Variants in AP3D1 observed in about 807,000 individuals in gnomAD.
AP3D1 encodes the protein AP-3 complex subunit delta-1.
Under a neutral mutation model 147.6 loss-of-function variants are expected in AP3D1, and 51 were observed. The ratio of observed to expected loss-of-function variants is 0.35; its 90% CI spans 0.28 to 0.44. The LOEUF (loss-of-function observed/expected upper bound fraction) is 0.44, where lower values mean the gene tolerates loss of function less well. Ranked by LOEUF, AP3D1 falls within the 20% of genes least tolerant of loss-of-function variation. AP3D1 has a pLI of 1.00. For missense variants in AP3D1, 1,421 were observed against 1,624.2 expected (o/e 0.87, Z 2.15); for synonymous variants, 760 against 663.0 (o/e 1.15, Z -2.25).
At chr19:2,155,590 T>C (rs902770970), upstream of AP3D1, among the ~76,000 whole-genome samples, 4 of 151,294 alleles carry the variant, frequency 2.6e-5, no homozygotes, top group South Asian at 8.4e-4. Flanking sequence ...CCCGCTTCTC[T>C]GCTGGACTTT....
intron 1 of AP3D1, among the ~76,000 whole-genome samples, chr19:2,150,358 G>A (rs978347696): frequency 6.6e-6 from 1 of 152,226 alleles, no homozygotes; most frequent in Non-Finnish European, 1.5e-5. Flanking sequence ...CCTTAATGAA[G>A]CCAGACACGT....
chr19:2,164,496 C>G (rs990738124), upstream of AP3D1: 5 of 316,280 alleles, frequency 1.6e-5, no homozygotes, highest in Non-Finnish European at 2.9e-5. Flanking sequence ...CCGGCGCCCC[C>G]GAGCCCTACC....
At chr19:2,133,732 G>T (rs1018652464) in intron 4 of AP3D1, among the ~76,000 whole-genome samples, 1 of 151,506 alleles carries the variant, frequency 6.6e-6, no homozygotes, top group Non-Finnish European at 1.5e-5. Context: ...TTGAACTCTT[G>T]ATCTCATGAT....
chr19:2,122,599 T>C lies in AP3D1; in HGVS notation c.956-720A>G, dbSNP rs545829911. On this transcript the variant is annotated intron_variant, in intron 11 of 31. Coordinates refer to ENST00000643116, the MANE Select transcript of AP3D1 (RefSeq NM_001261826.3). ...TGTGCCTATGGCGAAGTTCAGTGTG[T>C]ACATTAGGCACAATAAGAAATGAAC... is the stretch of plus-strand genomic sequence containing the variant. 3.9e-5 allele frequency among the ~76,000 whole-genome samples: 6 copies of C among 152,354 alleles called. 1 individual carries two copies. The East Asian group carries it at 1.2e-3, about 29-fold the overall frequency.
rs563077165 is a variant in AP3D1 at position 2,102,162 on chromosome 19, G to A, written c.*11C>T. On this transcript the variant is annotated 3_prime_UTR_variant, in exon 32 of 32. Coordinates refer to ENST00000643116, the MANE Select transcript of AP3D1 (RefSeq NM_001261826.3). ...TGCTCCGCGGGGTGGTGCGGGGCTC[G>A]CAGGCAGCTCTCAACACTTGGCCAG... The A allele has an allele frequency of 1.6e-5, 26 of 1,609,496 alleles. No homozygotes were observed. The highest frequency in any genetic ancestry group is 4.5e-5 in the East Asian group (2 of 44,862).
intron 5 of AP3D1, among the ~76,000 whole-genome samples, chr19:2,131,310 C>T (rs111626999): frequency 5.9e-4 from 89 of 151,590 alleles, no homozygotes; most frequent in African/African-American, 2.0e-3. Flanking sequence ...CCATCGGCCA[C>T]GATCTAGACA....
intron 20 of AP3D1, among the ~76,000 whole-genome samples, 182 bp downstream of exon 20, chr19:2,115,037 T>G (rs2240653): frequency 2.0e-5 from 3 of 152,110 alleles, no homozygotes; most frequent in Non-Finnish European, 4.4e-5. Flanking sequence ...CTGCTGGCCC[T>G]GGGGCGGTGC....
At position 2,101,953 on chromosome 19, in the gene AP3D1, A is replaced by C; in HGVS notation, c.*220T>G. ...TTGCTGGTTTGGGGGCGAGAAGGGGACTTCTTGCCAAAGAGAATGGGAAGA... is the reference window on the plus strand; with the variant it reads ...TTGCTGGTTTGGGGGCGAGAAGGGGCCTTCTTGCCAAAGAGAATGGGAAGA... On this transcript the variant is annotated 3_prime_UTR_variant, in exon 32 of 32. Transcript: ENST00000643116. 1 of 530,626 alleles carries C rather than the reference A, an allele frequency of 1.9e-6. No homozygotes were observed. Among genetic ancestry groups the C allele is most frequent in the Non-Finnish European group, 3.3e-6 (1 of 299,072 alleles). The allele number at this position is 530,626 out of a possible 1,614,324, so 32.9% of individuals were successfully genotyped here.
intron 6 of AP3D1, among the ~76,000 whole-genome samples, chr19:2,130,103 C>A (rs897685016): frequency 3.3e-5 from 5 of 152,352 alleles, no homozygotes; most frequent in Non-Finnish European, 7.4e-5. Context: ...CCATCCCCTG[C>A]CCTGTGGAAG....
At position 2,101,428 on chromosome 19, in the gene AP3D1, G is replaced by A. The variant is rs2017948812; in HGVS notation, c.*745C>T. 1 of 149,770 alleles carries A rather than the reference G, an allele frequency of 6.7e-6. No individual in the cohort carries two copies. Among genetic ancestry groups the A allele is most frequent in the African/African-American group, 2.5e-5 (1 of 39,684 alleles). 9.3% of individuals were successfully genotyped at this position (149,770 alleles called of 1,614,324 possible). ...GGGAAGGATGTGGGGAAACCTTGGT[G>A]CGCATAGTGGCAAGCAGGGGATGCG... On this transcript the variant is annotated 3_prime_UTR_variant, in exon 32 of 32. Transcript: ENST00000643116.
chr19:2,144,648 C>G (rs1376556886), intron 1 of AP3D1, among the ~76,000 whole-genome samples: 1 of 152,216 alleles, frequency 6.6e-6, no homozygotes, highest in Admixed American at 6.5e-5. Context: ...TGGCTCACAC[C>G]TGTAATCCCA....
At chr19:2,128,501 C>T (rs908702712) in intron 8 of AP3D1, among the ~76,000 whole-genome samples, 178 of 117,418 alleles carry the variant, frequency 1.5e-3, no homozygotes, top group East Asian at 4.2e-3. Context: ...CCCGTGGAGC[C>T]GGCCCGCCCC....
chr19:2,130,612 C>T, intron 5 of AP3D1, 75 bp from the exon 6 acceptor site: 1 of 1,591,010 alleles, frequency 6.3e-7, no homozygotes, highest in South Asian at 1.1e-5. Context: ...CAGCCGCCTC[C>T]TCCACAGAGA....
At chr19:2,102,583 C>G (rs935440788) in intron 31 of AP3D1, among the ~76,000 whole-genome samples, 7 of 151,906 alleles carry the variant, frequency 4.6e-5, no homozygotes, top group African/African-American at 2.4e-5. Context: ...AAAAAATTAG[C>G]CAGGCAGGGT....
At chr19:2,138,841 C>G in intron 1 of AP3D1, 127 bp from the exon 2 acceptor site, 1 of 659,164 alleles carries the variant, frequency 1.5e-6, no homozygotes, top group Non-Finnish European at 2.7e-6. Context: ...GCAGGCAGAT[C>G]ACGAGGTCGG....
Position 2,151,369 on chromosome 19 carries a change from C to T in AP3D1, c.-35G>A, listed in dbSNP as rs771984842. ...CCACGGGCTTTTGCCTCGGGAGGCC[C>T]GCGGCTGGGCGCCGTGAGGGGGCCC... On this transcript the variant is annotated 5_prime_UTR_variant, in exon 1 of 32. Transcript: ENST00000643116. The T allele has an allele frequency of 3.4e-6, 5 of 1,454,024 alleles. No individual in the cohort carries two copies. Among genetic ancestry groups the T allele is most frequent in the African/African-American group, 1.5e-5 (1 of 68,812 alleles). 90.1% of individuals were successfully genotyped at this position (1,454,024 alleles called of 1,614,324 possible). A position where few individuals can be genotyped will look rare whatever the true frequency, so the allele number is the denominator to read the frequency against.
At chr19:2,138,963 G>C (rs2019148143) in intron 1 of AP3D1, among the ~76,000 whole-genome samples, 2 of 147,660 alleles carry the variant, frequency 1.4e-5, no homozygotes, top group South Asian at 4.2e-4. Context: ...AGGAGGCTAA[G>C]GCAGGAGAAT....
chr19:2,143,825 C>T (rs1472461957), intron 1 of AP3D1, among the ~76,000 whole-genome samples: 1 of 151,938 alleles, frequency 6.6e-6, no homozygotes, highest in Non-Finnish European at 1.5e-5. Context: ...CGGTGGCTCA[C>T]GCCTGTAATC....
intron 1 of AP3D1, among the ~76,000 whole-genome samples, chr19:2,147,926 T>G (rs1212909718): frequency 6.6e-6 from 1 of 150,708 alleles, no homozygotes; most frequent in Non-Finnish European, 1.5e-5. Flanking sequence ...GGCTCACACC[T>G]GTAATCCAGC....
Sources: allele counts gnomAD v4.1 joint callset (sites outside exome capture counted in the v4.1 genomes callset), GRCh38; gene constraint gnomAD v4.1.1; transcripts MANE v1.5; gene names NCBI Gene and HGNC (gene_info 2026-07-23, HGNC 2026-07-21).